The following SERGEF variants were observed in gnomAD, a reference collection of about 807,000 sequenced individuals.
The protein encoded by SERGEF is secretion regulating guanine nucleotide exchange factor.
In SERGEF, 51 loss-of-function variants were observed where a neutral mutation model predicts 50.0. The ratio of observed to expected loss-of-function variants is 1.02; its 90% confidence interval spans 0.81 to 1.29. SERGEF has a LOEUF of 1.29. SERGEF is among the 50% of genes most tolerant of loss of function. The pLI is 0.00. For missense variants in SERGEF, 521 were observed against 557.0 expected, an observed-to-expected ratio of 0.94 and a Z score of 0.65; for synonymous variants, 205 against 212.4, an observed-to-expected ratio of 0.97 and a Z score of 0.30.
intron 8 of SERGEF, among the ~76,000 whole-genome samples, chr11:17,977,123 GTC>G (rs1853393915): frequency 6.6e-6 from 1 of 152,226 alleles, no homozygotes; most frequent in African/African-American, 2.4e-5. Flanking sequence ...CAGCACTCGA[GTC>G]TCTCGTCTAT....
At chr11:18,010,905 G>A (rs951235593) in intron 1 of SERGEF, among the ~76,000 whole-genome samples, 3 of 152,138 alleles carry the variant, frequency 2.0e-5, no homozygotes, top group Admixed American at 6.5e-5. Context: ...TGAGATCTCC[G>A]TGGCTGTCCC....
chr11:17,900,704 T>G (rs1381697942), intron 9 of SERGEF, among the ~76,000 whole-genome samples: 1 of 152,216 alleles, frequency 6.6e-6, no homozygotes, highest in African/African-American at 2.4e-5. Context: ...GGTGTTACTA[T>G]GCCAGTTATA....
At chr11:17,816,694 C>T (rs183718312) in intron 10 of SERGEF, among the ~76,000 whole-genome samples, 208 of 152,282 alleles carry the variant, frequency 1.4e-3, no homozygotes, top group African/African-American at 4.5e-3. Flanking sequence ...AGTGCTGAGG[C>T]GATCCTTGTC....
intron 1 of SERGEF, among the ~76,000 whole-genome samples, chr11:18,012,168 A>G (rs1390212038): frequency 6.6e-6 from 1 of 152,232 alleles, no homozygotes; most frequent in Non-Finnish European, 1.5e-5. Context: ...AGACAGGCAC[A>G]GCACCCACTC....
chr11:17,838,215 G>A (rs918322887), intron 10 of SERGEF, among the ~76,000 whole-genome samples: 1 of 152,198 alleles, frequency 6.6e-6, no homozygotes, highest in Non-Finnish European at 1.5e-5. Flanking sequence ...GGCTAGAGAG[G>A]CCAGGGTAGG....
intron 10 of SERGEF, among the ~76,000 whole-genome samples, chr11:17,847,369 G>A (rs1201360264): frequency 6.6e-6 from 1 of 152,148 alleles, no homozygotes; most frequent in Non-Finnish European, 1.5e-5. Flanking sequence ...GGGACAGGGA[G>A]GGGCAGTGAG....
At chr11:17,794,049 G>A (rs888686706) in intron 10 of SERGEF, among the ~76,000 whole-genome samples, 13 of 152,238 alleles carry the variant, frequency 8.5e-5, no homozygotes, top group Non-Finnish European at 1.8e-4. Flanking sequence ...TGCTAGGGAG[G>A]GGGCAGCATT....
At chr11:17,994,988 C>T (rs1300120235) in intron 6 of SERGEF, among the ~76,000 whole-genome samples, 2 of 151,908 alleles carry the variant, frequency 1.3e-5, no homozygotes, top group Non-Finnish European at 2.9e-5. Flanking sequence ...CCTGGGTAAA[C>T]TCGGTCACAA....
chr11:17,803,841 G>A (rs1479625791), intron 10 of SERGEF, among the ~76,000 whole-genome samples: 6 of 152,216 alleles, frequency 3.9e-5, no homozygotes, highest in African/African-American at 2.4e-5. Flanking sequence ...GGAACAAGTA[G>A]GTAACATTTG....
chr11:17,990,955 T>C (rs1024125262), intron 7 of SERGEF, among the ~76,000 whole-genome samples: 2 of 151,982 alleles, frequency 1.3e-5, no homozygotes, highest in African/African-American at 4.8e-5. Context: ...TTGGTAGAAA[T>C]GGGGTTTCTA....
chr11:17,902,863 C>T (rs1266150467), intron 9 of SERGEF, among the ~76,000 whole-genome samples: 1 of 152,224 alleles, frequency 6.6e-6, no homozygotes, highest in African/African-American at 2.4e-5. Flanking sequence ...ATCTACCAGA[C>T]ATCACCTGCC....
At chr11:17,918,896 C>T (rs1472216755) in intron 9 of SERGEF, 1 of 336,562 alleles carries the variant, frequency 3.0e-6, no homozygotes, top group Non-Finnish European at 5.8e-6. Flanking sequence ...AAGTTATCCC[C>T]TTAGGTGAAG....
chr11:17,850,177 A>T (rs1850687052), intron 10 of SERGEF, among the ~76,000 whole-genome samples: 1 of 152,126 alleles, frequency 6.6e-6, no homozygotes, highest in Admixed American at 6.6e-5. Flanking sequence ...AATGACATAA[A>T]TCCATTCATA....
At chr11:17,938,533 C>T (rs1452094189) in intron 9 of SERGEF, among the ~76,000 whole-genome samples, 1 of 152,008 alleles carries the variant, frequency 6.6e-6, no homozygotes, top group Admixed American at 6.6e-5. Context: ...GACCCTAGAC[C>T]CCTGATATTA....
chr11:17,810,519 C>T (rs535945044), intron 10 of SERGEF, among the ~76,000 whole-genome samples: 2 of 152,196 alleles, frequency 1.3e-5, no homozygotes, highest in African/African-American at 4.8e-5. Flanking sequence ...AAAATTCTAC[C>T]GAACAGAAAA....
chr11:17,892,062 A>G (rs1450585153), intron 9 of SERGEF, among the ~76,000 whole-genome samples: 3 of 152,236 alleles, frequency 2.0e-5, no homozygotes, highest in African/African-American at 7.2e-5. Context: ...CTTTTTCCAG[A>G]AAAACACTAC....
At chr11:17,893,487 C>G (rs1048476142) in intron 9 of SERGEF, among the ~76,000 whole-genome samples, 3 of 152,202 alleles carry the variant, frequency 2.0e-5, no homozygotes, top group Non-Finnish European at 2.9e-5. Context: ...TATCCCCACT[C>G]TTTTCATATC....
chr11:17,978,931 C>T (rs1400723772), intron 8 of SERGEF, among the ~76,000 whole-genome samples: 1 of 152,240 alleles, frequency 6.6e-6, no homozygotes, highest in East Asian at 1.9e-4. Context: ...CAGAGGGTGA[C>T]TCCTGCTTCT....
intron 10 of SERGEF, among the ~76,000 whole-genome samples, chr11:17,842,742 T>C (rs559422673): frequency 6.6e-6 from 1 of 152,206 alleles, no homozygotes; most frequent in Non-Finnish European, 1.5e-5. Context: ...GTTATTTCTG[T>C]GGTGCTGGAG....
Sources: gnomAD v4.1 joint callset for allele counts (sites outside exome capture counted in the v4.1 genomes callset) on GRCh38, gnomAD v4.1.1 for gene constraint, MANE v1.5 for transcripts, NCBI Gene and HGNC (gene_info 2026-07-23, HGNC 2026-07-21) for gene names.